EPHA3: variants seen among roughly 807,000 people sequenced by gnomAD.
EPHA3 encodes the protein EPH receptor A3.
EPHA3 carries 42 observed loss-of-function variants against 107.1 expected under a neutral mutation model. The ratio of observed to expected loss-of-function variants is 0.39; its 90% CI spans 0.31 to 0.51. The LOEUF is 0.51. EPHA3 is among the 20% of genes least tolerant of loss of function. The probability of loss-of-function intolerance (pLI) is 0.78; values close to 1 mark genes in which losing one functional copy is unlikely to be tolerated. For synonymous variants in EPHA3, 461 were observed against 424.8 expected (o/e 1.09, Z -1.05); for missense variants, 1,183 against 1,211.2 (o/e 0.98, Z 0.35).
At chr3:89,118,526 A>G (rs1474375135) in intron 1 of EPHA3, among the ~76,000 whole-genome samples, 1 of 151,870 alleles carries the variant, frequency 6.6e-6, no homozygotes, top group African/African-American at 2.4e-5. Context: ...AGCATGTTTT[A>G]TTTTATGTTT....
In EPHA3 at chr3:89,431,255, G is replaced by A. The variant is rs1383248514; in HGVS notation, c.2242G>A (p.Ala748Thr). ...SDMGYVHRDL[A>T]ARNILINSNL... ...CATGGGCTATGTTCACCGAGACCTC[G>A]CTGCTCGGAACATCTTGATCAACAG... Residue 748 changes from alanine to threonine, a missense_variant, in exon 13 of 17, where the codon GCT (alanine) becomes ACT (threonine). Transcript: ENST00000336596. The A allele has an allele frequency of 1.2e-6, 2 of 1,613,712 alleles. No homozygotes were observed. The highest frequency in any genetic ancestry group is 2.2e-5 in the East Asian group (1 of 44,840).
chr3:89,249,976 G>A (rs554177360), intron 3 of EPHA3, among the ~76,000 whole-genome samples: 5 of 152,230 alleles, frequency 3.3e-5, no homozygotes, highest in South Asian at 2.1e-4. Context: ...TGCCAGAGCC[G>A]AATGCTTGTA....
chr3:89,212,850 C>T (rs1186947209), intron 3 of EPHA3, among the ~76,000 whole-genome samples: 1 of 151,946 alleles, frequency 6.6e-6, no homozygotes, highest in Non-Finnish European at 1.5e-5. Flanking sequence ...TTGTGGAATG[C>T]TAACTTTATT....
intron 2 of EPHA3, among the ~76,000 whole-genome samples, chr3:89,186,256 C>A (rs1705563479): frequency 1.3e-5 from 2 of 151,972 alleles, no homozygotes; most frequent in African/African-American, 2.4e-5. Context: ...TATATTGTAA[C>A]TTCCTCTACA....
At chr3:89,477,379 A>G (rs977603768) in intron 16 of EPHA3, among the ~76,000 whole-genome samples, 1 of 152,198 alleles carries the variant, frequency 6.6e-6, no homozygotes, top group Admixed American at 6.5e-5. Context: ...CCTGAAGGTC[A>G]TCAGGAACCT....
chr3:89,216,687 G>A (rs1451983947), intron 3 of EPHA3, among the ~76,000 whole-genome samples: 1 of 151,902 alleles, frequency 6.6e-6, no homozygotes, highest in Non-Finnish European at 1.5e-5. Flanking sequence ...ATAATTTATG[G>A]CTTTTGTAAA....
At chr3:89,405,883 G>C (rs903504315) in intron 7 of EPHA3, among the ~76,000 whole-genome samples, 1 of 152,056 alleles carries the variant, frequency 6.6e-6, no homozygotes, top group African/African-American at 2.4e-5. Flanking sequence ...GATGTGGCTG[G>C]GGATTTAAAC....
intron 3 of EPHA3, among the ~76,000 whole-genome samples, chr3:89,256,139 T>C (rs191544953): frequency 1.6e-3 from 247 of 152,026 alleles, no homozygotes; most frequent in African/African-American, 5.8e-3. Context: ...TAGTCCCAGC[T>C]ACTCGGGAGG....
At position 89,438,542 on chromosome 3, in the gene EPHA3, T is replaced by G. The variant is rs115156709; in HGVS notation, c.2346+7183T>G. On this transcript the variant is annotated intron_variant, in intron 13 of 16. Transcript: ENST00000336596. ...CATAAATAACAGAAAACAGGAGCCT[T>G]TGTTCTGTAACATTTTCAAGAACCA... 9.7e-3 allele frequency among the ~76,000 whole-genome samples: 1,476 copies of G among 152,286 alleles called. 27 individuals are homozygous for G. The highest frequency in any genetic ancestry group is 0.034 in the African/African-American group (1,412 of 41,560).
intron 3 of EPHA3, among the ~76,000 whole-genome samples, chr3:89,300,773 A>T (rs1184429239): frequency 1.3e-5 from 2 of 152,048 alleles, no homozygotes; most frequent in African/African-American, 2.4e-5. Context: ...TTAATAAAGG[A>T]TATCCTGTGT....
intron 5 of EPHA3, among the ~76,000 whole-genome samples, chr3:89,390,785 A>ACTTTTTTT (rs777460537): frequency 6.6e-4 from 87 of 132,130 alleles, no homozygotes; most frequent in African/African-American, 2.3e-3. Flanking sequence ...ATTGAAAAGC[A>ACTTTTTTT]TTTTTTTTTT....
At chr3:89,165,197 A>G (rs1705035969) in intron 2 of EPHA3, among the ~76,000 whole-genome samples, 1 of 152,184 alleles carries the variant, frequency 6.6e-6, no homozygotes, top group Non-Finnish European at 1.5e-5. Context: ...TTTCTTTTGT[A>G]GCTACAATTG....
intron 16 of EPHA3, among the ~76,000 whole-genome samples, chr3:89,476,032 C>A (rs1710497647): frequency 6.6e-6 from 1 of 150,850 alleles, no homozygotes; most frequent in Admixed American, 6.7e-5. Context: ...TACTTTAATT[C>A]TCTTTTCAAA....
At chr3:89,336,349 CAT>C (rs1449865230) in intron 3 of EPHA3, among the ~76,000 whole-genome samples, 1 of 152,072 alleles carries the variant, frequency 6.6e-6, no homozygotes, top group African/African-American at 2.4e-5. Flanking sequence ...CACACACAAA[CAT>C]AGATGCTCCT....
intron 2 of EPHA3, among the ~76,000 whole-genome samples, chr3:89,154,706 T>C (rs1229350086): frequency 6.6e-6 from 1 of 151,540 alleles, no homozygotes; most frequent in Non-Finnish European, 1.5e-5. Flanking sequence ...TGGAACAGTG[T>C]AACACAAAGT....
intron 5 of EPHA3, among the ~76,000 whole-genome samples, chr3:89,371,547 G>T (rs896312482): frequency 1.3e-5 from 2 of 151,626 alleles, no homozygotes; most frequent in African/African-American, 4.8e-5. Flanking sequence ...AAGGAGATTT[G>T]TAGAGTTTCT....
At chr3:89,457,051 G>T (rs1710111745) in intron 15 of EPHA3, among the ~76,000 whole-genome samples, 1 of 152,088 alleles carries the variant, frequency 6.6e-6, no homozygotes, top group Non-Finnish European at 1.5e-5. Context: ...GGGGAGGTGA[G>T]TTTACTTTTA....
intron 3 of EPHA3, among the ~76,000 whole-genome samples, chr3:89,270,293 T>A (rs1359811927): frequency 6.6e-6 from 1 of 152,050 alleles, no homozygotes; most frequent in African/African-American, 2.4e-5. Flanking sequence ...TTATTTGAGT[T>A]GTGGAAAACT....
chr3:89,194,858 A>G (rs547210511), intron 2 of EPHA3, among the ~76,000 whole-genome samples: 1 of 152,120 alleles, frequency 6.6e-6, no homozygotes, highest in East Asian at 1.9e-4. Flanking sequence ...TTCCAGCAGT[A>G]TATACCATGC....
Sources: gnomAD v4.1 joint callset for allele counts (sites outside exome capture counted in the v4.1 genomes callset) on GRCh38, gnomAD v4.1.1 for gene constraint, MANE v1.5 for transcripts, NCBI Gene and HGNC (gene_info 2026-07-23, HGNC 2026-07-21) for gene names.